PRIM2: variants seen among roughly 807,000 people sequenced by gnomAD.
The protein encoded by PRIM2 is DNA primase subunit 2, also known as DNA primase large subunit.
PRIM2 carries 39 observed loss-of-function variants against 67.3 expected under a neutral mutation model. The ratio of observed to expected loss-of-function variants is 0.58; its 90% confidence interval spans 0.45 to 0.76. PRIM2 has a LOEUF of 0.76. Among genes scored for constraint, PRIM2 ranks in the 30% least tolerant of loss-of-function variants. The pLI, the probability that PRIM2 is intolerant of heterozygous loss-of-function variation, is 0.00. For synonymous variants in PRIM2, 143 were observed against 198.7 expected (o/e 0.72, Z 2.36); for missense variants, 398 against 598.7 (o/e 0.66, Z 3.50).
chr6:57,237,188 T>C, the PRIM2 span, among the ~76,000 whole-genome samples: 1 of 152,098 alleles, frequency 6.6e-6, no homozygotes, highest in Admixed American at 6.6e-5. Context: ...TTTTCTCATG[T>C]GTCTGTTGGC....
intron 10 of PRIM2, among the ~76,000 whole-genome samples, chr6:57,539,767 G>C (rs1324165347): frequency 4.6e-5 from 7 of 152,102 alleles, no homozygotes; most frequent in Non-Finnish European, 1.0e-4. Flanking sequence ...ACCGAGGCAG[G>C]TGGGTCGCCT....
intron 10 of PRIM2, among the ~76,000 whole-genome samples, chr6:57,569,555 C>A (rs1427421888): frequency 1.3e-5 from 2 of 151,966 alleles, no homozygotes; most frequent in Non-Finnish European, 2.9e-5. Context: ...TCTAGATTTG[C>A]TTATGGTCTT....
intron 7 of PRIM2, among the ~76,000 whole-genome samples, chr6:57,416,332 C>G (rs1361973850): frequency 1.3e-5 from 2 of 152,078 alleles, no homozygotes; most frequent in African/African-American, 4.8e-5. Flanking sequence ...TGGGTCTCAA[C>G]AGTGGGCTTA....
At chr6:57,413,993 G>A (rs532061090) in intron 7 of PRIM2, among the ~76,000 whole-genome samples, 1 of 152,090 alleles carries the variant, frequency 6.6e-6, no homozygotes. Context: ...ATGCTTAAAG[G>A]TAAAGTTAGG....
At chr6:57,527,951 C>T (rs1774795868) in intron 8 of PRIM2, among the ~76,000 whole-genome samples, 1 of 151,976 alleles carries the variant, frequency 6.6e-6, no homozygotes, top group African/African-American at 2.4e-5. Flanking sequence ...ACGTGTATGT[C>T]TTTTTTATAG....
chr6:57,600,235 T>C (rs1776437648), intron 10 of PRIM2, among the ~76,000 whole-genome samples: 1 of 152,182 alleles, frequency 6.6e-6, no homozygotes. Flanking sequence ...TTAGCTTGTT[T>C]TATGAACATG....
intron 7 of PRIM2, among the ~76,000 whole-genome samples, chr6:57,408,170 C>T (rs6936763): frequency 0.07 from 10,672 of 151,794 alleles, 951 homozygotes; most frequent in African/African-American, 0.24. Context: ...CACCAGGGCT[C>T]TTGTCTCATG....
At chr6:57,260,001 G>A in the PRIM2 span, among the ~76,000 whole-genome samples, 32 of 152,272 alleles carry the variant, frequency 2.1e-4, no homozygotes, top group Admixed American at 9.8e-4. Flanking sequence ...AATTAAATTA[G>A]TCCCATTTTT....
chr6:57,320,039 T>C (rs1362387418), intron 2 of PRIM2, among the ~76,000 whole-genome samples: 1 of 152,232 alleles, frequency 6.6e-6, no homozygotes, highest in African/African-American at 2.4e-5. Context: ...TGTCCTCGGC[T>C]TCATCAGGAA....
At chr6:57,387,452 T>C (rs1770190581) in intron 7 of PRIM2, among the ~76,000 whole-genome samples, 1 of 152,160 alleles carries the variant, frequency 6.6e-6, no homozygotes, top group Non-Finnish European at 1.5e-5. Flanking sequence ...AAGTAATTTG[T>C]CTAAGATTAT....
chr6:57,538,967 G>A (rs1436644294), intron 10 of PRIM2, among the ~76,000 whole-genome samples: 3 of 152,096 alleles, frequency 2.0e-5, no homozygotes, highest in African/African-American at 7.2e-5. Context: ...TTCAACAAAT[G>A]ACTTTTAGGA....
the PRIM2 span, among the ~76,000 whole-genome samples, chr6:57,236,251 T>C: frequency 2.6e-5 from 4 of 152,104 alleles, no homozygotes; most frequent in Admixed American, 6.6e-5. Context: ...CATGTCCAAA[T>C]CTGACCTGTC....
intron 12 of PRIM2, among the ~76,000 whole-genome samples, chr6:57,631,124 A>T (rs1213469768): frequency 6.6e-6 from 1 of 152,144 alleles, no homozygotes; most frequent in Non-Finnish European, 1.5e-5. Flanking sequence ...TCTGTAACTA[A>T]TTTTTTTGTG....
At chr6:57,364,614 T>A (rs1275867867) in intron 5 of PRIM2, among the ~76,000 whole-genome samples, 2 of 152,104 alleles carry the variant, frequency 1.3e-5, no homozygotes, top group African/African-American at 4.8e-5. Context: ...CAATTCTAGT[T>A]CACTCTTTCT....
chr6:57,426,113 A>G (rs1185526640), intron 7 of PRIM2, among the ~76,000 whole-genome samples: 1 of 152,216 alleles, frequency 6.6e-6, no homozygotes, highest in Non-Finnish European at 1.5e-5. Context: ...AATAATCTGC[A>G]TAGATTTTAA....
intron 7 of PRIM2, among the ~76,000 whole-genome samples, chr6:57,392,238 T>G (rs1770377198): frequency 2.0e-5 from 3 of 152,168 alleles, no homozygotes; most frequent in African/African-American, 7.2e-5. Flanking sequence ...CTGGAACTGC[T>G]GAAGGTCTTT....
At chr6:57,298,624 G>A in the PRIM2 span, among the ~76,000 whole-genome samples, 1 of 151,962 alleles carries the variant, frequency 6.6e-6, no homozygotes, top group African/African-American at 2.4e-5. Context: ...ATATAAAGTG[G>A]TGGATTCCCC....
the PRIM2 span, among the ~76,000 whole-genome samples, chr6:57,271,054 A>G: frequency 8.5e-5 from 13 of 152,154 alleles, no homozygotes; most frequent in Non-Finnish European, 2.9e-5. Context: ...GGATTTTTGC[A>G]TCGATGTTCA....
chr6:57,301,593 G>A, the PRIM2 span, among the ~76,000 whole-genome samples: 3 of 152,188 alleles, frequency 2.0e-5, no homozygotes, highest in African/African-American at 7.2e-5. Flanking sequence ...CTTGAGGTCA[G>A]GAGTTTGAGA....
Sources: gnomAD v4.1 joint callset for allele counts (sites outside exome capture counted in the v4.1 genomes callset) on GRCh38, gnomAD v4.1.1 for gene constraint, MANE v1.5 for transcripts, NCBI Gene and HGNC (gene_info 2026-07-23, HGNC 2026-07-21) for gene names.